Variants in URI1 observed in about 807,000 individuals in gnomAD.
URI1 encodes URI1 prefoldin like chaperone.
In URI1, 39 loss-of-function variants were observed where a neutral mutation model predicts 60.2. The observed-to-expected ratio is 0.65, with a 90% CI of 0.50 to 0.85. The LOEUF (loss-of-function observed/expected upper bound fraction) is 0.85, where lower values mean the gene tolerates loss of function less well. Ranked by LOEUF, URI1 falls within the 40% of genes least tolerant of loss-of-function variation. The pLI is 0.00. For missense variants in URI1, 691 were observed against 665.9 expected (o/e 1.04, Z -0.42); for synonymous variants, 251 against 236.8 (o/e 1.06, Z -0.55).
intron 1 of URI1, among the ~76,000 whole-genome samples, chr19:29,960,500 C>T (rs1257272262): frequency 6.6e-6 from 1 of 152,030 alleles, no homozygotes; most frequent in Non-Finnish European, 1.5e-5. Context: ...GGTCAGTTGA[C>T]CTTTTCACCA....
intron 2 of URI1, among the ~76,000 whole-genome samples, chr19:29,974,237 C>A (rs887882229): frequency 2.0e-5 from 3 of 151,860 alleles, no homozygotes; most frequent in African/African-American, 7.3e-5. Context: ...AACACCCTGC[C>A]CGGCACTCAA....
chr19:29,953,403 C>G (rs193252466), intron 1 of URI1, among the ~76,000 whole-genome samples: 1 of 152,118 alleles, frequency 6.6e-6, no homozygotes, highest in Non-Finnish European at 1.5e-5. Flanking sequence ...GCTACTAGCT[C>G]TTTATATTCA....
At chr19:29,955,170 T>C (rs960828911) in intron 1 of URI1, among the ~76,000 whole-genome samples, 2 of 151,782 alleles carry the variant, frequency 1.3e-5, no homozygotes, top group Non-Finnish European at 2.9e-5. Flanking sequence ...TTCACTGTGT[T>C]AGCCAGGATG....
chr19:29,927,482 G>A (rs1238329687), intron 1 of URI1, among the ~76,000 whole-genome samples: 2 of 146,674 alleles, frequency 1.4e-5, no homozygotes, highest in African/African-American at 5.0e-5. Flanking sequence ...GGCTGGTTTT[G>A]AACTCCTGAC....
At chr19:29,991,981 A>G (rs2055752459) in intron 4 of URI1, among the ~76,000 whole-genome samples, 1 of 152,122 alleles carries the variant, frequency 6.6e-6, no homozygotes, top group Non-Finnish European at 1.5e-5. Flanking sequence ...GATTTGATAC[A>G]TTGAGCTTTT....
chr19:29,928,996 A>G (rs1278800048), intron 1 of URI1, among the ~76,000 whole-genome samples: 5 of 152,230 alleles, frequency 3.3e-5, no homozygotes, highest in Non-Finnish European at 7.3e-5. Flanking sequence ...AGGAAGTAAC[A>G]CATTCAAAAC....
chr19:29,938,589 T>A (rs1013333450), upstream of URI1, among the ~76,000 whole-genome samples: 2 of 152,162 alleles, frequency 1.3e-5, no homozygotes, highest in African/African-American at 4.8e-5. Context: ...CTTGGTCAAC[T>A]CTTGTCTCCC....
chr19:29,926,233 C>CCTTCCTTCCT (rs1385038224), intron 1 of URI1, among the ~76,000 whole-genome samples: 2 of 131,576 alleles, frequency 1.5e-5, no homozygotes, highest in Non-Finnish European at 3.2e-5. Context: ...TTCTTCCTCT[C>CCTTCCTTCCT]TCCTTCCTTC....
At chr19:30,001,438 G>A (rs2055877113) in intron 4 of URI1, among the ~76,000 whole-genome samples, 1 of 151,740 alleles carries the variant, frequency 6.6e-6, no homozygotes. Context: ...TGTTCACTTG[G>A]AATTAATCCT....
intron 1 of URI1, among the ~76,000 whole-genome samples, chr19:29,932,142 GA>G (rs1311380093): frequency 5.3e-5 from 8 of 151,682 alleles, no homozygotes; most frequent in Non-Finnish European, 1.2e-4. Context: ...CAATTTAGAG[GA>G]AAAAAATCTT....
At chr19:29,965,724 C>T (rs2055384136) in intron 1 of URI1, among the ~76,000 whole-genome samples, 1 of 152,038 alleles carries the variant, frequency 6.6e-6, no homozygotes, top group South Asian at 2.1e-4. Flanking sequence ...TGTCACCACT[C>T]TTAAAATATT....
chr19:29,987,218 A>G (rs1352933164), intron 4 of URI1, among the ~76,000 whole-genome samples: 2 of 152,234 alleles, frequency 1.3e-5, no homozygotes, highest in East Asian at 1.9e-4. Flanking sequence ...TTAAATGTGT[A>G]TTTGAAAATA....
At chr19:29,993,186 G>T (rs538547472) in intron 4 of URI1, among the ~76,000 whole-genome samples, 2 of 152,108 alleles carry the variant, frequency 1.3e-5, no homozygotes, top group African/African-American at 2.4e-5. Flanking sequence ...TGAACTAGGG[G>T]TAATGGCTAT....
intron 1 of URI1, among the ~76,000 whole-genome samples, chr19:29,933,573 C>T (rs568157895): frequency 6.6e-6 from 1 of 152,178 alleles, no homozygotes; most frequent in South Asian, 2.1e-4. Flanking sequence ...GTAATCCTAG[C>T]ACTTTTGGAG....
chr19:29,942,656 C>A lies in URI1; in HGVS notation c.109C>A (p.Gln37Lys). The change falls in exon 1 of 11, where the codon CAG becomes AAG. Residue 37 changes from glutamine (Q) to lysine (K), a missense_variant. Transcript: ENST00000392271. ...APDVARLREEQEKVVTNCQER... is the reference protein window; with the variant it reads ...APDVARLREEKEKVVTNCQER... ...GGATGTGGCGCGGCTGCGCGAGGAGCAGGAAAAGGTAACTAGCAGCCCCGC... is the reference window on the plus strand; with the variant it reads ...GGATGTGGCGCGGCTGCGCGAGGAGAAGGAAAAGGTAACTAGCAGCCCCGC... 6.9e-7 allele frequency: 1 copy of A among 1,440,478 alleles called. No individual in the cohort carries two copies. 89.2% of individuals were successfully genotyped at this position (1,440,478 alleles called of 1,614,324 possible). A position where few individuals can be genotyped will look rare whatever the true frequency, so the allele number is the denominator to read the frequency against.
At chr19:29,947,959 A>G (rs1234902453) in intron 1 of URI1, among the ~76,000 whole-genome samples, 1 of 152,176 alleles carries the variant, frequency 6.6e-6, no homozygotes, top group Non-Finnish European at 1.5e-5. Flanking sequence ...GGCTTTGTAT[A>G]TGGGGGAGAT....
intron 1 of URI1, among the ~76,000 whole-genome samples, chr19:29,949,849 A>T (rs2055156726): frequency 6.6e-6 from 1 of 151,316 alleles, no homozygotes; most frequent in African/African-American, 2.4e-5. Context: ...CAGTGAGCCG[A>T]GATGGCGGCA....
At chr19:30,010,985 T>C (rs1241691899) in intron 8 of URI1, 109 bp from the exon 9 acceptor site, 1 of 1,245,158 alleles carries the variant, frequency 8.0e-7, no homozygotes, top group East Asian at 2.6e-5. Context: ...TCAGAAAATT[T>C]CAGCTGCCTC....
At chr19:29,924,576 C>T (rs1021691134) in intron 1 of URI1, among the ~76,000 whole-genome samples, 3 of 152,240 alleles carry the variant, frequency 2.0e-5, no homozygotes, top group Non-Finnish European at 4.4e-5. Context: ...GGCCCTCCGT[C>T]TGTCTCCCAG....
Sources: gnomAD v4.1 joint callset for allele counts (sites outside exome capture counted in the v4.1 genomes callset) on GRCh38, gnomAD v4.1.1 for gene constraint, MANE v1.5 for transcripts, NCBI Gene and HGNC (gene_info 2026-07-23, HGNC 2026-07-21) for gene names.